The following PSMD10 variants were observed in gnomAD, a reference collection of about 807,000 sequenced individuals.
PSMD10 encodes the protein 26S proteasome non-ATPase regulatory subunit 10.
Under a neutral mutation model 13.2 loss-of-function variants are expected in PSMD10, and 2 were observed. That is an observed-to-expected ratio of 0.15 (90% CI 0.06 to 0.48). The LOEUF (loss-of-function observed/expected upper bound fraction) is 0.48, where lower values mean the gene tolerates loss of function less well. Among genes scored for constraint, PSMD10 ranks in the 20% least tolerant of loss-of-function variants. The pLI is 0.97. For synonymous variants in PSMD10, 66 were observed against 64.4 expected, an observed-to-expected ratio of 1.03 and a Z score of -0.12; for missense variants, 120 against 167.4, an observed-to-expected ratio of 0.72 and a Z score of 1.56.
chrX:108,084,730 A>G lies in PSMD10; in HGVS notation c.*244T>C. 2 of 274,718 alleles carry G rather than the reference A, an allele frequency of 7.3e-6. No individual in the cohort carries two copies. Among genetic ancestry groups the G allele is most frequent in the Non-Finnish European group, 1.3e-5 (2 of 156,915 alleles). 22.6% of individuals were successfully genotyped at this position (274,718 alleles called of 1,213,427 possible). A position where few individuals can be genotyped will look rare whatever the true frequency, so the allele number is the denominator to read the frequency against. On this transcript the variant is annotated 3_prime_UTR_variant, in exon 5 of 5. Transcript: ENST00000217958. ...CAGAATTAGTTACTCCAAATTAACC[A>G]GAATTCAATATAGAAGAATATACGA...
At chrX:108,088,932 T>C (rs1293911459) in intron 1 of PSMD10, 82 bp from the exon 2 acceptor site, 34 of 772,471 alleles carry the variant, frequency 4.4e-5, no homozygotes, top group Non-Finnish European at 6.2e-5. Context: ...GGCAAATCTA[T>C]AGTTTGAAAA....
At position 108,088,862 on chromosome X, in the gene PSMD10, C is replaced by G; in HGVS notation, c.115-12G>C. On this transcript the variant is annotated splice_polypyrimidine_tract_variant and intron_variant, in intron 1 of 4. Coordinates refer to ENST00000217958, the MANE Select transcript of PSMD10 (RefSeq NM_002814.4). ...GCAGTTCTGCTGTCCTACAGAGAAGCAGTAATAGAAACATTCTTGAAATAG... is the reference window on the plus strand; with the variant it reads ...GCAGTTCTGCTGTCCTACAGAGAAGGAGTAATAGAAACATTCTTGAAATAG... The G allele has an allele frequency of 2.7e-6, 3 of 1,114,867 alleles. No individual in the cohort carries two copies. The highest frequency in any genetic ancestry group is 3.6e-6 in the Non-Finnish European group (3 of 829,238). The allele number at this position is 1,114,867 out of a possible 1,213,427, so 91.9% of individuals were successfully genotyped here. A position where few individuals can be genotyped will look rare whatever the true frequency, so the allele number is the denominator to read the frequency against.
intron 1 of PSMD10, among the ~76,000 whole-genome samples, chrX:108,089,540 A>G (rs76720418): frequency 0.021 from 2,371 of 112,649 alleles, 67 homozygotes; most frequent in African/African-American, 0.074. Flanking sequence ...TTTATAAAAA[A>G]TAATAAGCTA....
Position 108,091,082 on chromosome X carries a change from C to T in PSMD10, c.114+325G>A, listed in dbSNP as rs1010739331. On this transcript the variant is annotated intron_variant, in intron 1 of 4. Transcript: ENST00000217958. ...TCAATTTCACATGCGTTACTGAATA[C>T]AGTTACTAGTAAAGGTAAATAAATC... 2.6e-5 allele frequency among the ~76,000 whole-genome samples: 3 copies of T among 113,543 alleles called. No homozygotes were observed. The Admixed American group carries it at 2.8e-4, about 10-fold the overall frequency.
chrX:108,090,581 CA>C (rs1569296347), intron 1 of PSMD10, among the ~76,000 whole-genome samples: 1 of 111,844 alleles, frequency 8.9e-6, no homozygotes, highest in Non-Finnish European at 1.9e-5. Flanking sequence ...AATTCTCTCC[CA>C]AAAGACACAA....
At position 108,085,349 on chromosome X, in the gene PSMD10, C is replaced by G. The variant is rs148948323; in HGVS notation, c.528-222G>C. On this transcript the variant is annotated intron_variant, in intron 4 of 4. Coordinates refer to ENST00000217958, the MANE Select transcript of PSMD10 (RefSeq NM_002814.4). ...ATCGTAAATCATAATTCTGGTTCTA[C>G]TTACAATAGAAGAAGGGATCTAAAT... Among the ~76,000 whole-genome samples, 88 of 112,391 alleles carry G rather than the reference C, an allele frequency of 7.8e-4. 2 individuals carry two copies. In the East Asian group the frequency reaches 0.023, roughly 29 times the overall value.
chrX:108,090,683 C>T (rs1230338796), intron 1 of PSMD10, among the ~76,000 whole-genome samples: 1 of 112,015 alleles, frequency 8.9e-6, no homozygotes, highest in Non-Finnish European at 1.9e-5. Flanking sequence ...TGTGGGCTTA[C>T]TAAAGGCACC....
chrX:108,088,123 A>C (rs774541208), intron 2 of PSMD10, 24 bp from the exon 3 acceptor site: 1 of 1,180,623 alleles, frequency 8.5e-7, no homozygotes. Flanking sequence ...AGGTAGTAGA[A>C]ATACCAGGGG....
At chrX:108,089,121 A>C (rs1275869616) in intron 1 of PSMD10, among the ~76,000 whole-genome samples, 2 of 112,754 alleles carry the variant, frequency 1.8e-5, no homozygotes, top group African/African-American at 6.4e-5. Context: ...ATGCTTTGAC[A>C]GAAATACATC....
At chrX:108,088,990 ATTAC>A (rs940684279) in intron 1 of PSMD10, 140 bp from the exon 2 acceptor site, 5 of 404,109 alleles carry the variant, frequency 1.2e-5, no homozygotes, top group South Asian at 1.2e-4. Flanking sequence ...CTTAAACTAT[ATTAC>A]TTACTGGTAT....
chrX:108,091,207 C>T (rs2031605093), intron 1 of PSMD10, among the ~76,000 whole-genome samples, 200 bp downstream of exon 1: 1 of 113,456 alleles, frequency 8.8e-6, no homozygotes, highest in Non-Finnish European at 1.9e-5. Context: ...TCCGGGCCAA[C>T]GGGAAAATAT....
chrX:108,090,863 T>G (rs1441807007), intron 1 of PSMD10, among the ~76,000 whole-genome samples: 1 of 112,820 alleles, frequency 8.9e-6, no homozygotes, highest in African/African-American at 3.2e-5. Context: ...TGCAAAAACT[T>G]TTCCAATTAA....
At chrX:108,087,912 C>T (rs376044629) in intron 3 of PSMD10, 41 bp downstream of exon 3, 75 of 1,210,170 alleles carry the variant, frequency 6.2e-5, no homozygotes, top group African/African-American at 3.5e-4. Flanking sequence ...TTTGTATACA[C>T]GTTTAGAACT....
intron 4 of PSMD10, 79 bp downstream of exon 4, chrX:108,087,604 TAAA>T: frequency 9.0e-7 from 1 of 1,116,432 alleles, no homozygotes; most frequent in Non-Finnish European, 1.2e-6. Context: ...ATAAGCAGAA[TAAA>T]AAAAGAAATG....
At position 108,089,592 on chromosome X, in the gene PSMD10, G is replaced by A. The variant is rs766761590; in HGVS notation, c.115-742C>T. On this transcript the variant is annotated intron_variant, in intron 1 of 4. Transcript: ENST00000217958. ...TTCACGCCTATAATCCCAGCACTTTGGGAGGCTGAGGTGGGCAGATCACCC... is the reference window on the plus strand; with the variant it reads ...TTCACGCCTATAATCCCAGCACTTTAGGAGGCTGAGGTGGGCAGATCACCC... 8.9e-5 allele frequency among the ~76,000 whole-genome samples: 10 copies of A among 111,958 alleles called. No individual in the cohort carries two copies. The South Asian group carries it at 3.0e-3, about 33-fold the overall frequency.
chrX:108,091,423 G>A lies in PSMD10; in HGVS notation c.98C>T (p.Ala33Val), dbSNP rs1351416669. 2 of 1,211,309 alleles carry A rather than the reference G, an allele frequency of 1.7e-6. No homozygotes were observed. Among genetic ancestry groups the A allele is most frequent in the Non-Finnish European group, 2.2e-6 (2 of 894,562 alleles). ...TTGCTTTACCTGGTCAGTTCTAGTAGCCAGGGATTTATCGGCCAGAATACT... is the reference window on the plus strand; with the variant it reads ...TTGCTTTACCTGGTCAGTTCTAGTAACCAGGGATTTATCGGCCAGAATACT... ...KESILADKSL[A>V]TRTDQDSRTA... Residue 33 changes from alanine (A) to valine (V), a missense_variant, in exon 1 of 5, where the codon GCT (alanine) becomes GTT (valine). Ala to Val is a moderately conservative substitution (Grantham distance 64). Transcript: ENST00000217958.
intron 2 of PSMD10, 77 bp downstream of exon 2, chrX:108,088,675 A>G: frequency 1.2e-6 from 1 of 823,565 alleles, no homozygotes; most frequent in Non-Finnish European, 1.8e-6. Context: ...AGCTTAATGC[A>G]CAGGCTTCAG....
At chrX:108,085,514 T>C (rs1468553106) in intron 4 of PSMD10, among the ~76,000 whole-genome samples, 1 of 112,635 alleles carries the variant, frequency 8.9e-6, no homozygotes, top group African/African-American at 3.2e-5. Context: ...AGCTTAAAGT[T>C]TGAAAAAGCA....
chrX:108,085,492 A>G lies in PSMD10; in HGVS notation c.528-365T>C, dbSNP rs768912141. On this transcript the variant is annotated intron_variant, in intron 4 of 4. Transcript: ENST00000217958. ...AAGCCTCAGTTCATAAACTGTTAATAGTAATTCGTGCAGCTTAAAGTTTGA... is the reference window on the plus strand; with the variant it reads ...AAGCCTCAGTTCATAAACTGTTAATGGTAATTCGTGCAGCTTAAAGTTTGA... 6.2e-5 allele frequency among the ~76,000 whole-genome samples: 7 copies of G among 112,842 alleles called. No individual in the cohort carries two copies. The South Asian group carries it at 2.5e-3, about 41-fold the overall frequency.
Sources: gnomAD v4.1 joint callset for allele counts (sites outside exome capture counted in the v4.1 genomes callset) on GRCh38, gnomAD v4.1.1 for gene constraint, MANE v1.5 for transcripts, NCBI Gene and HGNC (gene_info 2026-07-23, HGNC 2026-07-21) for gene names.